The following CERS4 variants were observed in gnomAD, a reference collection of about 807,000 sequenced individuals.
CERS4 encodes ceramide synthase 4.
CERS4 carries 65 observed loss-of-function variants against 51.8 expected under a neutral mutation model. That is an observed-to-expected ratio of 1.26 (90% CI 1.03 to 1.54). CERS4 has a LOEUF of 1.54. Among genes scored for constraint, CERS4 ranks in the 40% most tolerant of loss-of-function variants. CERS4 has a pLI of 0.00. For synonymous variants in CERS4, 228 were observed against 208.4 expected, an observed-to-expected ratio of 1.09 and a Z score of -0.81; for missense variants, 563 against 500.4, an observed-to-expected ratio of 1.13 and a Z score of -1.19.
rs1870405417 is a variant in CERS4, at chr19:8,218,397, C to T, written c.-2+7535C>T. The stretch of plus-strand genomic sequence containing the variant: ...ATGCTGAACAGTGATTTAGAGGGAG[C>T]GGCCCAGGCAAAGGCCTGGCATCCG... On this transcript the variant is annotated intron_variant, in intron 2 of 11. Transcript: ENST00000251363. Among the ~76,000 whole-genome samples, 4 of 152,306 alleles carry T rather than the reference C, an allele frequency of 2.6e-5. No individual in the cohort carries two copies. In the South Asian group the frequency reaches 6.2e-4, roughly 24 times the overall value.
At chr19:8,231,383 A>G (rs1363401432) in intron 2 of CERS4, among the ~76,000 whole-genome samples, 1 of 152,140 alleles carries the variant, frequency 6.6e-6, no homozygotes, top group African/African-American at 2.4e-5. Flanking sequence ...CTCAGACTCC[A>G]AAGTCTGTTT....
intron 10 of CERS4, among the ~76,000 whole-genome samples, chr19:8,258,425 C>T (rs36251): frequency 5.9e-5 from 9 of 152,092 alleles, no homozygotes; most frequent in Middle Eastern, 6.8e-3. Context: ...ATAAATTTGA[C>T]GGGCCGGGCG....
rs1969357177 is a variant in CERS4, at chr19:8,255,953, G to T, written c.468+74G>T. 7.4e-6 allele frequency: 11 copies of T among 1,492,862 alleles called. No individual in the cohort carries two copies. The Middle Eastern group carries it at 5.1e-4, about 70-fold the overall frequency. 92.5% of individuals were successfully genotyped at this position (1,492,862 alleles called of 1,614,324 possible). A position where few individuals can be genotyped will look rare whatever the true frequency, so the allele number is the denominator to read the frequency against. On this transcript the variant is annotated intron_variant, in intron 6 of 11. Transcript: ENST00000251363. ...GCCTAGATCTGGCAGGAGTGGGGGTGTGGAGTGGTGCAGCCAGAGAGGAAA... is the reference window on the plus strand; with the variant it reads ...GCCTAGATCTGGCAGGAGTGGGGGTTTGGAGTGGTGCAGCCAGAGAGGAAA...
intron 3 of CERS4, 93 bp downstream of exon 3, chr19:8,251,342 G>A (rs771614170): frequency 6.4e-5 from 93 of 1,458,966 alleles, no homozygotes; most frequent in Non-Finnish European, 7.7e-5. Context: ...AGCATGTCCC[G>A]AGTAGAAGCT....
Position 8,227,162 on chromosome 19 carries a change from G to T in CERS4, c.-2+16300G>T, listed in dbSNP as rs75798724. ...GAATTGGTTTCTTAAGTAGTGAGGTGGGGGTAGAGGGCTCATTCCCTACCA... is the reference window on the plus strand; with the variant it reads ...GAATTGGTTTCTTAAGTAGTGAGGTTGGGGTAGAGGGCTCATTCCCTACCA... On this transcript the variant is annotated intron_variant, in intron 2 of 11. Coordinates refer to ENST00000251363, the MANE Select transcript of CERS4 (RefSeq NM_024552.3). 3.0e-3 allele frequency among the ~76,000 whole-genome samples: 453 copies of T among 152,104 alleles called. 1 individual carries two copies. Among genetic ancestry groups the T allele is most frequent in the African/African-American group, 0.011 (437 of 41,512 alleles).
In CERS4 at chr19:8,255,596, C is replaced by A. The variant is rs776574473; in HGVS notation, c.292-11C>A. 9 of 1,605,248 alleles carry A rather than the reference C, an allele frequency of 5.6e-6. No homozygotes were observed. Among genetic ancestry groups the A allele is most frequent in the Non-Finnish European group, 7.6e-6 (9 of 1,176,500 alleles). On this transcript the variant is annotated splice_polypyrimidine_tract_variant and intron_variant, in intron 4 of 11. Coordinates refer to ENST00000251363, the MANE Select transcript of CERS4 (RefSeq NM_024552.3). ...CCTCTGTGACCCTTGTCCTCATCACCCCCTCCCCAGCCCCAGCTGTCTCTC... is the reference window on the plus strand; with the variant it reads ...CCTCTGTGACCCTTGTCCTCATCACACCCTCCCCAGCCCCAGCTGTCTCTC...
chr19:8,212,643 T>A (rs111891853), intron 2 of CERS4, among the ~76,000 whole-genome samples: 1,444 of 140,198 alleles, frequency 0.01, 21 homozygotes, highest in African/African-American at 0.033. Flanking sequence ...AATTATTATT[T>A]TTTTTATTTT....
intron 3 of CERS4, 54 bp downstream of exon 3, chr19:8,251,303 C>T (rs1387512554): frequency 1.3e-6 from 2 of 1,494,144 alleles, no homozygotes; most frequent in African/African-American, 2.8e-5. Flanking sequence ...CCAGTATGTG[C>T]TCGTGCCCTG....
intron 4 of CERS4, 55 bp from the exon 5 acceptor site, chr19:8,255,552 G>A: frequency 6.7e-7 from 1 of 1,490,918 alleles, no homozygotes; most frequent in Non-Finnish European, 9.2e-7. Flanking sequence ...CTGGGGACAT[G>A]GGGGAAGCCA....
intron 2 of CERS4, among the ~76,000 whole-genome samples, chr19:8,241,807 A>G (rs1402383355): frequency 6.6e-6 from 1 of 152,146 alleles, no homozygotes; most frequent in Non-Finnish European, 1.5e-5. Context: ...GCCTGCCCTG[A>G]GCCTCACAAT....
intron 10 of CERS4, among the ~76,000 whole-genome samples, chr19:8,259,010 C>T (rs971533533): frequency 7.4e-6 from 1 of 135,306 alleles, no homozygotes; most frequent in Non-Finnish European, 1.6e-5. Flanking sequence ...GGCACACGCC[C>T]GTAATCCCAG....
intron 2 of CERS4, among the ~76,000 whole-genome samples, chr19:8,212,679 C>G (rs560653916): frequency 6.6e-6 from 1 of 152,140 alleles, no homozygotes; most frequent in African/African-American, 2.4e-5. Flanking sequence ...GTTCTTGTCG[C>G]CCAGGCTGGA....
At chr19:8,213,690 G>A (rs919691838) in intron 2 of CERS4, among the ~76,000 whole-genome samples, 4 of 152,088 alleles carry the variant, frequency 2.6e-5, no homozygotes, top group Admixed American at 6.6e-5. Context: ...GAGAGGCCCG[G>A]CGCGGTGGCT....
chr19:8,254,657 G>GGGGGTGGGGCGTGGGGAT, intron 4 of CERS4, 41 bp downstream of exon 4: 1 of 1,544,966 alleles, frequency 6.5e-7, no homozygotes, highest in Non-Finnish European at 8.8e-7. Context: ...CTACTGCCCT[G>GGGGGTGGGGCGTGGGGAT]GGGGTGGGGC....
rs1967037922 is a variant in CERS4 at position 8,210,416 on chromosome 19, G to A, written c.-158-290G>A. On this transcript the variant is annotated intron_variant, in intron 1 of 11. Coordinates refer to ENST00000251363, the MANE Select transcript of CERS4 (RefSeq NM_024552.3). This position sits in a 1 kb window ranked among gnomAD's most constrained non-coding sequence, Gnocchi z 4.2. Reference sequence around the variant, plus strand: ...TCTCCTGGGTAGTTAGGAGTATATAGAAGAGGCTTTCATTGCTGGGTTGGG... The same window carrying A: ...TCTCCTGGGTAGTTAGGAGTATATAAAAGAGGCTTTCATTGCTGGGTTGGG... Among the ~76,000 whole-genome samples, 1 of 152,114 alleles carries A rather than the reference G, an allele frequency of 6.6e-6. No individual in the cohort carries two copies. The highest frequency in any genetic ancestry group is 1.5e-5 in the Non-Finnish European group (1 of 68,028).
intron 7 of CERS4, 43 bp from the exon 8 acceptor site, chr19:8,256,575 A>C (rs767309726): frequency 3.8e-6 from 6 of 1,566,082 alleles, no homozygotes; most frequent in South Asian, 1.2e-5. Flanking sequence ...GCCCGATTGG[A>C]GCCTTCGCTC....
At chr19:8,216,543 A>C (rs953154675) in intron 2 of CERS4, among the ~76,000 whole-genome samples, 2 of 151,872 alleles carry the variant, frequency 1.3e-5, no homozygotes, top group Non-Finnish European at 2.9e-5. Flanking sequence ...TTGAGAGGCA[A>C]GTTGGGCAGA....
intron 1 of CERS4, chr19:8,209,754 G>A (rs1967010612): frequency 6.6e-6 from 1 of 152,334 alleles, no homozygotes; most frequent in African/African-American, 2.4e-5. Flanking sequence ...GAGCGAGTAG[G>A]GGCGATCCTG....
chr19:8,252,493 C>T (rs1278197270), intron 3 of CERS4, among the ~76,000 whole-genome samples: 1 of 151,154 alleles, frequency 6.6e-6, no homozygotes, highest in African/African-American at 2.4e-5. Context: ...GGCTGGAGTA[C>T]AGTGGCACAA....
Sources: gnomAD v4.1 joint callset for allele counts (sites outside exome capture counted in the v4.1 genomes callset) on GRCh38, gnomAD v4.1.1 for gene constraint, Gnocchi (gnomAD v3.1) non-coding constraint, MANE v1.5 for transcripts, NCBI Gene and HGNC (gene_info 2026-07-23, HGNC 2026-07-21) for gene names.